Variants in BIRC6 observed in about 807,000 individuals in gnomAD.
BIRC6 encodes dual E2 ubiquitin-conjugating enzyme/E3 ubiquitin-protein ligase BIRC6.
A neutral mutation model predicts 503.3 loss-of-function variants in BIRC6; 98 were observed. The ratio of observed to expected loss-of-function variants is 0.19; its 90% confidence interval spans 0.17 to 0.23. The LOEUF (loss-of-function observed/expected upper bound fraction) is 0.23. BIRC6 is among the 10% of genes least tolerant of loss of function. The pLI is 1.00. For missense variants in BIRC6, 5,360 were observed against 5,806.0 expected (o/e 0.92, Z 2.50); for synonymous variants, 2,240 against 2,078.7 (o/e 1.08, Z -2.11).
intron 5 of BIRC6, among the ~76,000 whole-genome samples, chr2:32,393,131 C>G (rs976514183): frequency 2.0e-5 from 3 of 151,190 alleles, no homozygotes; most frequent in Non-Finnish European, 4.4e-5. Flanking sequence ...TACAAATTAC[C>G]CATATACTAG....
chr2:32,496,928 A>G (rs2052551356), intron 45 of BIRC6, among the ~76,000 whole-genome samples: 1 of 152,156 alleles, frequency 6.6e-6, no homozygotes, highest in Non-Finnish European at 1.5e-5. Context: ...ACATATGGTA[A>G]AAGTTACTCT....
At chr2:32,402,121 A>T (rs1355645969) in intron 8 of BIRC6, among the ~76,000 whole-genome samples, 1 of 152,194 alleles carries the variant, frequency 6.6e-6, no homozygotes, top group Non-Finnish European at 1.5e-5. Flanking sequence ...GAGTTGAGAT[A>T]CCATAATTAT....
At chr2:32,434,568 C>T (rs1444380032) in intron 13 of BIRC6, among the ~76,000 whole-genome samples, 2 of 152,064 alleles carry the variant, frequency 1.3e-5, no homozygotes, top group Non-Finnish European at 2.9e-5. Context: ...TAGTATTAGA[C>T]CACATGTGGT....
intron 9 of BIRC6, among the ~76,000 whole-genome samples, chr2:32,411,002 T>G (rs1293652334): frequency 1.3e-5 from 2 of 149,484 alleles, no homozygotes; most frequent in African/African-American, 4.9e-5. Context: ...GCCCAGCCTA[T>G]TTGGGCAACT....
chr2:32,398,209 T>C (rs1037284388), intron 6 of BIRC6, among the ~76,000 whole-genome samples: 1 of 152,166 alleles, frequency 6.6e-6, no homozygotes, highest in Non-Finnish European at 1.5e-5. Flanking sequence ...TCTATTTACG[T>C]ACCCTAGGGA....
At chr2:32,615,286 T>C (rs1310908549) in intron 73 of BIRC6, among the ~76,000 whole-genome samples, 2 of 152,146 alleles carry the variant, frequency 1.3e-5, no homozygotes, top group African/African-American at 4.8e-5. Flanking sequence ...TTAACTCAGT[T>C]CTCATGATTG....
At chr2:32,530,040 T>C (rs961634665) in intron 60 of BIRC6, among the ~76,000 whole-genome samples, 1 of 152,178 alleles carries the variant, frequency 6.6e-6, no homozygotes, top group African/African-American at 2.4e-5. Context: ...TATGAGCGCA[T>C]GTACTTTAAT....
At chr2:32,389,611 A>T (rs116478448) in intron 4 of BIRC6, among the ~76,000 whole-genome samples, 4,566 of 152,336 alleles carry the variant, frequency 0.03, 132 homozygotes, top group African/African-American at 0.081. Flanking sequence ...AGGTTCTTAC[A>T]AAAAGTACCA....
intron 10 of BIRC6, among the ~76,000 whole-genome samples, chr2:32,427,093 ATTTC>A (rs1200729246): frequency 6.6e-6 from 1 of 151,508 alleles, no homozygotes; most frequent in Non-Finnish European, 1.5e-5. Context: ...TATATGTGTT[ATTTC>A]TTTGTGTTTA....
Position 32,439,585 on chromosome 2 carries a change from A to G in BIRC6, c.3709A>G (p.Asn1237Asp). Reference protein sequence around the residue: ...VNERGTEEICNGGMRPVVRLP... With the variant: ...VNERGTEEICDGGMRPVVRLP... ...TGAAAGAGGAACAGAAGAGATTTGT[A>G]ATGGTGGTATGCGTCCTGTAGTAAG... The change falls in exon 16 of 74, where the codon AAT becomes GAT. Residue 1237 changes from asparagine to aspartate, a missense_variant. Physicochemically the swap from Asn to Asp is conservative, Grantham distance 23. Coordinates refer to ENST00000421745, the MANE Select transcript of BIRC6 (RefSeq NM_016252.4). 7 of 1,613,890 alleles carry G rather than the reference A, an allele frequency of 4.3e-6. No individual in the cohort carries two copies. The highest frequency in any genetic ancestry group is 5.9e-6 in the Non-Finnish European group (7 of 1,179,778).
Position 32,518,299 on chromosome 2 carries a change from C to T in BIRC6, c.11395C>T (p.Pro3799Ser), listed in dbSNP as rs375035965. 5.0e-6 allele frequency: 8 copies of T among 1,612,882 alleles called. No individual in the cohort carries two copies. The African/African-American group carries it at 8.0e-5, about 16-fold the overall frequency. ...GACATCTCCTCAAAGAGGGAACCTT[C>T]CAACATCTGGGAACATTTCAGGGTT... is the stretch of plus-strand genomic sequence containing the variant. The part of the protein sequence containing the change: ...FQTSPQRGNL[P>S]TSGNISGFIR... The change falls in exon 56 of 74, where the codon CCA (proline) becomes TCA (serine). Residue 3799 changes from proline to serine, a missense_variant. By Grantham distance (74) the Pro-to-Ser change is moderately conservative. This residue lies in a region of BIRC6 where 878 missense variants were observed against 928.9 expected (regional missense o/e 0.95). Coordinates refer to ENST00000421745, the MANE Select transcript of BIRC6 (RefSeq NM_016252.4).
At chr2:32,612,183 A>G (rs1349422224) in intron 73 of BIRC6, among the ~76,000 whole-genome samples, 2 of 152,168 alleles carry the variant, frequency 1.3e-5, no homozygotes, top group Non-Finnish European at 2.9e-5. Context: ...GACTTCTTTT[A>G]TTCCCTTAGT....
At position 32,588,522 on chromosome 2, in the gene BIRC6, A is replaced by G. The variant is rs192389926; in HGVS notation, c.13356-5393A>G. Among the ~76,000 whole-genome samples the G allele has an allele frequency of 3.5e-3, 536 of 152,262 alleles. 4 individuals are homozygous for G. The highest frequency in any genetic ancestry group is 6.2e-3 in the Non-Finnish European group (421 of 68,002). On this transcript the variant is annotated intron_variant, in intron 66 of 73. Transcript: ENST00000421745. ...AGCCCCCTGCTCCCACACACACAGT[A>G]TTATTTTCCATTTCCTGCATTTTAT...
At chr2:32,523,814 T>C (rs928171853) in intron 57 of BIRC6, among the ~76,000 whole-genome samples, 1 of 152,160 alleles carries the variant, frequency 6.6e-6, no homozygotes, top group East Asian at 1.9e-4. Flanking sequence ...AGCACTTTAG[T>C]AGGCTGAGGC....
chr2:32,389,291 A>AT (rs2038907827), intron 4 of BIRC6, among the ~76,000 whole-genome samples: 1 of 151,918 alleles, frequency 6.6e-6, no homozygotes, highest in South Asian at 2.1e-4. Flanking sequence ...TTTTCCATTG[A>AT]TGACATTTTG....
chr2:32,488,696 G>A lies in BIRC6; in HGVS notation c.8077G>A (p.Val2693Ile). Residue 2693 changes from valine to isoleucine, a missense_variant, in exon 42 of 74, where the codon GTT becomes ATT. This residue lies in a region of BIRC6 where 2,299 missense variants were observed against 2,267.2 expected (regional missense o/e 1.01). Transcript: ENST00000421745. Reference sequence around the variant, plus strand: ...TTTATATAATGCTAATAGGATACCTGTTATTTCATTAAATCAAGGTAAGAT... The same window carrying A: ...TTTATATAATGCTAATAGGATACCTATTATTTCATTAAATCAAGGTAAGAT... ...IFLYNANRIP[V>I]ISLNQASITS... The A allele has an allele frequency of 7.0e-7, 1 of 1,420,540 alleles. No homozygotes were observed. Among genetic ancestry groups the A allele is most frequent in the Non-Finnish European group, 9.5e-7 (1 of 1,047,716 alleles). 88.0% of individuals were successfully genotyped at this position (1,420,540 alleles called of 1,614,324 possible).
intron 59 of BIRC6, chr2:32,528,922 T>C (rs180994624): frequency 2.0e-5 from 3 of 152,166 alleles, no homozygotes; most frequent in Non-Finnish European, 4.4e-5. Flanking sequence ...AGATAACTCA[T>C]TGTGTACATG....
chr2:32,511,386 T>C (rs2054417561), intron 53 of BIRC6, among the ~76,000 whole-genome samples: 1 of 151,260 alleles, frequency 6.6e-6, no homozygotes, highest in Non-Finnish European at 1.5e-5. Context: ...CTTGGCTCAC[T>C]GCAAGCTCCA....
intron 43 of BIRC6, among the ~76,000 whole-genome samples, chr2:32,490,547 C>CT (rs1299276763): frequency 1.3e-5 from 2 of 152,044 alleles, no homozygotes; most frequent in Non-Finnish European, 2.9e-5. Context: ...ATAAAAGTGA[C>CT]TGAGTTTTTT....
Sources: allele counts gnomAD v4.1 joint callset (sites outside exome capture counted in the v4.1 genomes callset), GRCh38; gene constraint gnomAD v4.1.1; regional missense constraint gnomAD v4.1.1; transcripts MANE v1.5; gene names NCBI Gene and HGNC (gene_info 2026-07-23, HGNC 2026-07-21).